Variants in IQCH observed in about 807,000 individuals in gnomAD.
IQCH encodes IQ domain-containing protein H.
A neutral mutation model predicts 117.0 loss-of-function variants in IQCH; 98 were observed. That is an observed-to-expected ratio of 0.84 (90% CI 0.71 to 0.99). The LOEUF (loss-of-function observed/expected upper bound fraction) is 0.99, where lower values mean the gene tolerates loss of function less well. Ranked by LOEUF, IQCH falls within the 50% of genes least tolerant of loss-of-function variation. The pLI is 0.00. For synonymous variants in IQCH, 412 were observed against 448.2 expected (o/e 0.92, Z 1.02); for missense variants, 1,102 against 1,243.8 (o/e 0.89, Z 1.72).
intron 14 of IQCH, among the ~76,000 whole-genome samples, 168 bp downstream of exon 14, chr15:67,400,473 G>A (rs183970467): frequency 1.9e-5 from 1 of 53,676 alleles, no homozygotes; most frequent in African/African-American, 6.5e-5. Flanking sequence ...GAATGGGATT[G>A]ACTGAGTTCT....
chr15:67,423,852 TAAA>T (rs10560261), intron 16 of IQCH, among the ~76,000 whole-genome samples: 48 of 138,026 alleles, frequency 3.5e-4, no homozygotes, highest in Admixed American at 5.7e-4. Flanking sequence ...AGATTTCATC[TAAA>T]AAAAAAAAAA....
chr15:67,357,057 C>T (rs760460111), intron 6 of IQCH, among the ~76,000 whole-genome samples: 5 of 152,156 alleles, frequency 3.3e-5, no homozygotes, highest in Admixed American at 6.5e-5. Flanking sequence ...CTCTAATTTG[C>T]CTGCTTTTAA....
intron 6 of IQCH, among the ~76,000 whole-genome samples, chr15:67,353,527 T>C (rs947552152): frequency 3.9e-5 from 6 of 151,964 alleles, no homozygotes; most frequent in African/African-American, 1.4e-4. Flanking sequence ...GCCCGGCTAA[T>C]TTTTTGTATT....
At position 67,472,737 on chromosome 15, in the gene IQCH, C is replaced by T. The variant is rs146949603; in HGVS notation, c.2677-2959C>T. Among the ~76,000 whole-genome samples, 835 of 152,234 alleles carry T rather than the reference C, an allele frequency of 5.5e-3. 2 individuals carry two copies. The highest frequency in any genetic ancestry group is 9.8e-3 in the Non-Finnish European group (668 of 68,016). ...ATAACCTTTCCACTGCAGAATTCTG[C>T]TTGTATCCTCACCTCTGACTCTCCA... is the stretch of plus-strand genomic sequence containing the variant. On this transcript the variant is annotated intron_variant, in intron 17 of 20. Transcript: ENST00000335894. This position sits in a 1 kb window ranked among gnomAD's most constrained non-coding sequence, Gnocchi z 4.3.
In IQCH at chr15:67,345,969, C is replaced by T. The variant is rs540308132; in HGVS notation, c.637+1778C>T. On this transcript the variant is annotated intron_variant, in intron 6 of 20. Coordinates refer to ENST00000335894, the MANE Select transcript of IQCH (RefSeq NM_001031715.3). Reference sequence around the variant, plus strand: ...AACTTTTCTGTATCTAAAATTATTCCAAAATAAGAAGTTTATATATTTTTA... The same window carrying T: ...AACTTTTCTGTATCTAAAATTATTCTAAAATAAGAAGTTTATATATTTTTA... Among the ~76,000 whole-genome samples, 7 of 151,796 alleles carry T rather than the reference C, an allele frequency of 4.6e-5. No homozygotes were observed. In the South Asian group the frequency reaches 1.5e-3, roughly 32 times the overall value.
chr15:67,441,986 T>G lies in IQCH; in HGVS notation c.2505+20409T>G, dbSNP rs138178948. On this transcript the variant is annotated intron_variant, in intron 16 of 20. Transcript: ENST00000335894. ...AGAAAGTCTTTGCCATCTATACATC[T>G]GACAAAGGACTAATATCCAGAATCT... Among the ~76,000 whole-genome samples, 845 of 152,212 alleles carry G rather than the reference T, an allele frequency of 5.6e-3. 6 individuals carry two copies. The highest frequency in any genetic ancestry group is 0.02 in the African/African-American group (811 of 41,528).
chr15:67,261,958 ACACGCCTGTAGTCC>A (rs1965479260), intron 2 of IQCH, among the ~76,000 whole-genome samples: 1 of 152,060 alleles, frequency 6.6e-6, no homozygotes, highest in South Asian at 2.1e-4. Context: ...GCATGGTGGC[ACACGCCTGTAGTCC>A]CAGCTACTCA....
intron 1 of IQCH, among the ~76,000 whole-genome samples, chr15:67,256,522 G>A (rs1292397965): frequency 1.3e-5 from 2 of 152,216 alleles, no homozygotes; most frequent in Non-Finnish European, 2.9e-5. Context: ...AAAGCCCACA[G>A]ACAAAGACAC....
rs1307730678 is a variant in IQCH at position 67,421,426 on chromosome 15, C to G, written c.2354C>G (p.Ser785Cys). 2 of 1,614,100 alleles carry G rather than the reference C, an allele frequency of 1.2e-6. No individual in the cohort carries two copies. Among genetic ancestry groups the G allele is most frequent in the African/African-American group, 2.7e-5 (2 of 74,946 alleles). Residue 785 changes from serine to cysteine, a missense_variant, in exon 16 of 21, where the codon TCT becomes TGT. Physicochemically the swap from Ser to Cys is moderately radical, Grantham distance 112. Coordinates refer to ENST00000335894, the MANE Select transcript of IQCH (RefSeq NM_001031715.3). ...QLHAESPFIS[S>C]GTTVPQTSVD... ...CATGCTGAAAGCCCCTTCATCTCCT[C>G]TGGTACCACCGTGCCTCAGACCTCA...
At chr15:67,271,326 G>T (rs1197836995) in intron 3 of IQCH, among the ~76,000 whole-genome samples, 1 of 152,118 alleles carries the variant, frequency 6.6e-6, no homozygotes, top group Non-Finnish European at 1.5e-5. Context: ...TTTCGTTGAA[G>T]ATTTTTGCAT....
chr15:67,401,869 C>CAT lies in IQCH; in HGVS notation c.2097+1564_2097+1565insAT, dbSNP rs1971673605. On this transcript the variant is annotated intron_variant, in intron 14 of 20. Transcript: ENST00000335894. The surrounding 1 kb of genome is among the most constrained non-coding windows in gnomAD (Gnocchi z 4.7). ...ATTCTCTTTGAACTGGATTTTATTT[C>CAT]GTATTGTATAGATTTTTTTTAAAGC... Among the ~76,000 whole-genome samples, 1 of 152,070 alleles carries CAT rather than the reference C, an allele frequency of 6.6e-6. No homozygotes were observed. Among genetic ancestry groups the CAT allele is most frequent in the Non-Finnish European group, 1.5e-5 (1 of 68,006 alleles).
intron 6 of IQCH, among the ~76,000 whole-genome samples, chr15:67,350,049 T>C (rs1484420508): frequency 6.6e-6 from 1 of 152,198 alleles, no homozygotes. Flanking sequence ...AATGAAAACA[T>C]ATTTACACAA....
At chr15:67,438,781 T>C (rs2082197289) in intron 16 of IQCH, among the ~76,000 whole-genome samples, 1 of 152,172 alleles carries the variant, frequency 6.6e-6, no homozygotes, top group African/African-American at 2.4e-5. Flanking sequence ...CAAAACAAAC[T>C]TTAAAGCAAC....
intron 4 of IQCH, among the ~76,000 whole-genome samples, chr15:67,323,119 C>T (rs1362970667): frequency 6.6e-6 from 1 of 152,120 alleles, no homozygotes; most frequent in Non-Finnish European, 1.5e-5. Context: ...TGGGGACCTG[C>T]CCCTATCTGC....
Position 67,337,013 on chromosome 15 carries a change from C to T in IQCH, c.426C>T (p.Ser142=), listed in dbSNP as rs201669345. The change falls in exon 5 of 21, where the codon TCC becomes TCT. Residue 142 remains serine, a synonymous_variant. Transcript: ENST00000335894. ...VSKLIKGSNI[S]SLTVLPSSHC... is the part of the protein sequence containing the mutation. ...AGTTAATCAAAGGGTCTAACATATC[C>T]AGCCTCACGGTTCTGCCATCTTCTC... The T allele has an allele frequency of 6.2e-7, 1 of 1,613,660 alleles. No homozygotes were observed. Among genetic ancestry groups the T allele is most frequent in the African/African-American group, 1.3e-5 (1 of 74,966 alleles).
At chr15:67,377,555 C>T (rs1970781130) in intron 10 of IQCH, among the ~76,000 whole-genome samples, 1 of 152,166 alleles carries the variant, frequency 6.6e-6, no homozygotes, top group Non-Finnish European at 1.5e-5. Flanking sequence ...CAAGTATTTC[C>T]TCCACTTTTA....
intron 4 of IQCH, among the ~76,000 whole-genome samples, chr15:67,321,454 T>G (rs528960810): frequency 3.4e-5 from 5 of 148,076 alleles, no homozygotes; most frequent in African/African-American, 1.2e-4. Flanking sequence ...CTTTCTTTCC[T>G]TCCTTTCCTT....
Position 67,443,309 on chromosome 15 carries a change from A to G in IQCH, c.2505+21732A>G, listed in dbSNP as rs755337491. Among the ~76,000 whole-genome samples, 1 of 152,150 alleles carries G rather than the reference A, an allele frequency of 6.6e-6. No homozygotes were observed. The highest frequency in any genetic ancestry group is 6.6e-5 in the Admixed American group (1 of 15,260). ...GCCCAGCCTGGAGACTGTTATTCTA[A>G]GTGAAGTAACTCAGGAATGGAAAAC... On this transcript the variant is annotated intron_variant, in intron 16 of 20. Coordinates refer to ENST00000335894, the MANE Select transcript of IQCH (RefSeq NM_001031715.3). The surrounding 1 kb of genome is among the most constrained non-coding windows in gnomAD (Gnocchi z 5.0).
At chr15:67,383,962 T>C (rs1457746244) in intron 10 of IQCH, among the ~76,000 whole-genome samples, 1 of 152,186 alleles carries the variant, frequency 6.6e-6, no homozygotes, top group Non-Finnish European at 1.5e-5. Flanking sequence ...CCTGAATTGC[T>C]ATAGTTTTCC....
Sources: allele counts gnomAD v4.1 joint callset (sites outside exome capture counted in the v4.1 genomes callset), GRCh38; gene constraint gnomAD v4.1.1; non-coding constraint Gnocchi (gnomAD v3.1); transcripts MANE v1.5; gene names NCBI Gene and HGNC (gene_info 2026-07-23, HGNC 2026-07-21).